Variants in FSTL1 observed in about 807,000 individuals in gnomAD.
FSTL1 encodes follistatin like 1.
FSTL1 carries 24 observed loss-of-function variants against 45.9 expected under a neutral mutation model. That is an observed-to-expected ratio of 0.52 (90% CI 0.38 to 0.74). The LOEUF (loss-of-function observed/expected upper bound fraction) is 0.74, where lower values mean the gene tolerates loss of function less well. Ranked by LOEUF, FSTL1 falls within the 30% of genes least tolerant of loss-of-function variation. The probability of loss-of-function intolerance (pLI) is 0.00; values close to 1 mark genes in which losing one functional copy is unlikely to be tolerated. For synonymous variants in FSTL1, 120 were observed against 137.6 expected (o/e 0.87, Z 0.89); for missense variants, 340 against 381.8 (o/e 0.89, Z 0.91).
Position 120,403,358 on chromosome 3 carries a change from A to G in FSTL1, c.582-4T>C, listed in dbSNP as rs1936865840. ...GAGAGCATCAACACAGAGTCCCCTG[A>G]AACAAAACACAGGAGAAATGTGTTA... is the stretch of plus-strand genomic sequence containing the variant. On this transcript the variant is annotated splice_polypyrimidine_tract_variant and splice_region_variant and intron_variant, in intron 7 of 10. Transcript: ENST00000295633. The G allele has an allele frequency of 6.5e-7, 1 of 1,540,890 alleles. No individual in the cohort carries two copies. Among genetic ancestry groups the G allele is most frequent in the South Asian group, 1.1e-5 (1 of 89,612 alleles).
At chr3:120,432,258 A>G (rs1937490551) in intron 2 of FSTL1, among the ~76,000 whole-genome samples, 1 of 152,092 alleles carries the variant, frequency 6.6e-6, no homozygotes, top group African/African-American at 2.4e-5. Flanking sequence ...GTGCCTTGAG[A>G]TTAAAGTCAA....
chr3:120,404,818 T>C, intron 7 of FSTL1, 35 bp downstream of exon 7: 4 of 1,038,488 alleles, frequency 3.9e-6, no homozygotes, highest in Non-Finnish European at 6.1e-6. Flanking sequence ...AGTCTTCCCT[T>C]GTGGATCATT....
chr3:120,420,467 C>T (rs1380200353), intron 2 of FSTL1, among the ~76,000 whole-genome samples: 1 of 152,186 alleles, frequency 6.6e-6, no homozygotes, highest in African/African-American at 2.4e-5. Flanking sequence ...CTAGCTTTAT[C>T]CTTCTGCATC....
At chr3:120,413,343 C>G (rs1937109204) in intron 3 of FSTL1, among the ~76,000 whole-genome samples, 1 of 152,116 alleles carries the variant, frequency 6.6e-6, no homozygotes, top group Non-Finnish European at 1.5e-5. Flanking sequence ...CGGGCAAAAC[C>G]AAATGTGGGC....
At chr3:120,432,463 T>C (rs541069004) in intron 2 of FSTL1, among the ~76,000 whole-genome samples, 1 of 152,284 alleles carries the variant, frequency 6.6e-6, no homozygotes, top group South Asian at 2.1e-4. Context: ...TTCCCCCCTA[T>C]TTTTTCAGAA....
chr3:120,429,282 T>C (rs183271852), intron 2 of FSTL1, among the ~76,000 whole-genome samples: 3 of 152,366 alleles, frequency 2.0e-5, no homozygotes, highest in Admixed American at 6.5e-5. Flanking sequence ...CTCTGGTCTC[T>C]GGGGCTTTCT....
rs138798165 is a variant in FSTL1, at chr3:120,409,570, C to T, written c.424G>A (p.Gly142Ser). Residue 142 changes from glycine (G) to serine (S), a missense_variant, in exon 6 of 11, where the codon GGC becomes AGC. Gly to Ser is a moderately conservative substitution (Grantham distance 56, BLOSUM62 0). Coordinates refer to ENST00000295633, the MANE Select transcript of FSTL1 (RefSeq NM_007085.5). ...EIIPDGWFSK[G>S]SNYSEILDKY... ...TCTAGGATTTCACTGTAGTTGCTGC[C>T]TTTAGAGAACCAGCCATCTGGAATG... The T allele has an allele frequency of 5.0e-5, 80 of 1,613,956 alleles. No individual in the cohort carries two copies. In the African/African-American group the frequency reaches 9.9e-4, roughly 20 times the overall value.
intron 2 of FSTL1, among the ~76,000 whole-genome samples, chr3:120,444,119 A>G (rs1322791226): frequency 6.7e-6 from 1 of 149,950 alleles, no homozygotes; most frequent in Non-Finnish European, 1.5e-5. Flanking sequence ...ACTTGGGCCA[A>G]AATCTGGTGT....
intron 3 of FSTL1, among the ~76,000 whole-genome samples, chr3:120,414,476 C>A (rs1419811912): frequency 1.3e-5 from 2 of 152,188 alleles, no homozygotes; most frequent in African/African-American, 4.8e-5. Context: ...GGCCACCACC[C>A]CGTCTGGGAG....
At position 120,393,409 on chromosome 3, in the gene FSTL1, G is replaced by A. The variant is rs1936628918; in HGVS notation, c.*3543C>T. On this transcript the variant is annotated 3_prime_UTR_variant, in exon 11 of 11. Transcript: ENST00000295633. ...GCAGGTTGGAAAGCGTTAGTCATGT[G>A]TCCCCAAGCAAAAGAGGTTTTAACC... The A allele has an allele frequency of 6.6e-6, 1 of 152,168 alleles. No homozygotes were observed. The highest frequency in any genetic ancestry group is 2.4e-5 in the African/African-American group (1 of 41,424). 9.4% of individuals were successfully genotyped at this position (152,168 alleles called of 1,614,324 possible).
At chr3:120,442,961 G>C (rs1937656469) in intron 2 of FSTL1, among the ~76,000 whole-genome samples, 1 of 106,612 alleles carries the variant, frequency 9.4e-6, no homozygotes, top group East Asian at 3.2e-4. Context: ...GGGGAGGGGG[G>C]AGGGATAGCA....
At position 120,450,729 on chromosome 3, in the gene FSTL1, G is replaced by A. The variant is rs750108944; in HGVS notation, c.18C>T (p.Leu6=). The A allele has an allele frequency of 6.3e-7, 1 of 1,579,284 alleles. No homozygotes were observed. The highest frequency in any genetic ancestry group is 1.7e-5 in the Admixed American group (1 of 57,716). ...CCGCCACCAGCGCGAGCGCGAGCGC[G>A]AGCCAGCGTTTCCACATCTGCGGAA... MWKRW[L]ALALALVAVA... The change falls in exon 2 of 11, where the codon CTC becomes CTT. Residue 6 remains leucine, a synonymous_variant. Transcript: ENST00000295633.
At position 120,436,843 on chromosome 3, in the gene FSTL1, G is replaced by A. The variant is rs116624860; in HGVS notation, c.63+13841C>T. 3.1e-3 allele frequency among the ~76,000 whole-genome samples: 465 copies of A among 152,258 alleles called. 4 individuals carry two copies. The highest frequency in any genetic ancestry group is 0.011 in the African/African-American group (438 of 41,540). ...GGGATGGTGGTGCCCTGGGAGAAGC[G>A]AAGCTGCGTGCTCCGAGTATTTGTG... On this transcript the variant is annotated intron_variant, in intron 2 of 10. Coordinates refer to ENST00000295633, the MANE Select transcript of FSTL1 (RefSeq NM_007085.5).
chr3:120,400,500 TAAACAA>T (rs1366897346), intron 9 of FSTL1, among the ~76,000 whole-genome samples: 1 of 152,210 alleles, frequency 6.6e-6, no homozygotes. Context: ...TGCACAGTGA[TAAACAA>T]AAACAAAAAC....
At chr3:120,419,251 G>C (rs1032693639) in intron 2 of FSTL1, 2 of 152,252 alleles carry the variant, frequency 1.3e-5, no homozygotes, top group African/African-American at 2.4e-5. Context: ...ACCAATGTGG[G>C]GGAGGTCTCA....
chr3:120,446,164 T>C (rs1340451642), intron 2 of FSTL1, among the ~76,000 whole-genome samples: 1 of 152,240 alleles, frequency 6.6e-6, no homozygotes, highest in African/African-American at 2.4e-5. Context: ...CATTTTCAAT[T>C]CTCATATGTG....
chr3:120,394,251 A>G lies in FSTL1; in HGVS notation c.*2701T>C, dbSNP rs552731998. 5.9e-5 allele frequency: 9 copies of G among 152,296 alleles called. No individual in the cohort carries two copies. The highest frequency in any genetic ancestry group is 2.2e-4 in the African/African-American group (9 of 41,554). 9.4% of individuals were successfully genotyped at this position (152,296 alleles called of 1,614,324 possible). ...GTTCTCACGACTTTATTTGGCCTTA[A>G]TTGGGGGAAAGGAAACCAATAAAAC... On this transcript the variant is annotated 3_prime_UTR_variant, in exon 11 of 11. Coordinates refer to ENST00000295633, the MANE Select transcript of FSTL1 (RefSeq NM_007085.5).
At chr3:120,398,511 A>G (rs916131796) in intron 10 of FSTL1, among the ~76,000 whole-genome samples, 3 of 152,194 alleles carry the variant, frequency 2.0e-5, no homozygotes, top group Non-Finnish European at 4.4e-5. Flanking sequence ...GTTCTTGTAG[A>G]AACAGCCCAG....
At chr3:120,442,737 C>T (rs1254748164) in intron 2 of FSTL1, among the ~76,000 whole-genome samples, 4 of 144,624 alleles carry the variant, frequency 2.8e-5, no homozygotes, top group East Asian at 2.1e-4. Flanking sequence ...GAGCCGAGAT[C>T]GCACCACTGT....
Sources: allele counts gnomAD v4.1 joint callset (sites outside exome capture counted in the v4.1 genomes callset), GRCh38; gene constraint gnomAD v4.1.1; transcripts MANE v1.5; gene names NCBI Gene and HGNC (gene_info 2026-07-23, HGNC 2026-07-21).